KIFAP3: variants seen among roughly 807,000 people sequenced by gnomAD.
The protein encoded by KIFAP3 is kinesin associated protein 3, also known as kinesin-associated protein 3.
A neutral mutation model predicts 106.5 loss-of-function variants in KIFAP3; 68 were observed. The ratio of observed to expected loss-of-function variants is 0.64; its 90% CI spans 0.53 to 0.78. The LOEUF is 0.78. KIFAP3 is among the 30% of genes least tolerant of loss of function. The pLI, the probability that KIFAP3 is intolerant of heterozygous loss-of-function variation, is 0.00. For missense variants in KIFAP3, 780 were observed against 941.8 expected, an observed-to-expected ratio of 0.83 and a Z score of 2.25; for synonymous variants, 320 against 311.5, an observed-to-expected ratio of 1.03 and a Z score of -0.29.
At chr1:170,081,241 C>T (rs1255152704) in intron 1 of KIFAP3, among the ~76,000 whole-genome samples, 1 of 151,990 alleles carries the variant, frequency 6.6e-6, no homozygotes, top group Non-Finnish European at 1.5e-5. Context: ...AATTAATTTA[C>T]AAAAATGTCA....
chr1:169,921,773 A>C lies in KIFAP3; in HGVS notation c.2282T>G (p.Met761Arg), dbSNP rs1558163776. 10 of 1,613,456 alleles carry C rather than the reference A, an allele frequency of 6.2e-6. No homozygotes were observed. Among genetic ancestry groups the C allele is most frequent in the Non-Finnish European group, 8.5e-6 (10 of 1,179,432 alleles). The part of the protein sequence containing the change: ...GQHSFPGSLG[M>R]DGFGQPVGIL... ...GCCAACTGGTTGGCCAAAGCCATCC[A>C]TTCCAAGGCTAAAAAAGAAAAAAAA... The change falls in exon 20 of 20, where the codon ATG becomes AGG. Residue 761 changes from methionine to arginine, a missense_variant. This residue lies in a region of KIFAP3 where 114 missense variants were observed against 122.3 expected (regional missense o/e 0.93). Transcript: ENST00000361580.
chr1:169,982,788 G>A lies in KIFAP3; in HGVS notation c.1586C>T (p.Ala529Val), dbSNP rs1335256196. ...GTCTAAGTCTGGAATGGTCAAGTTT[G>A]CAAGAGTTCCCAAACATTCAATCAC... The part of the protein sequence containing the change: ...EFVIECLGTL[A>V]NLTIPDLDWE... The change falls in exon 14 of 20, where the codon GCA becomes GTA. Residue 529 changes from alanine to valine, a missense_variant. Physicochemically the swap from Ala to Val is moderately conservative, Grantham distance 64. Around this residue, in one of 3 missense-constraint regions of KIFAP3, gnomAD observed 588 missense variants for 678.9 expected, o/e 0.87. Coordinates refer to ENST00000361580, the MANE Select transcript of KIFAP3 (RefSeq NM_014970.4). 1 of 1,609,046 alleles carries A rather than the reference G, an allele frequency of 6.2e-7. No individual in the cohort carries two copies.
At chr1:170,045,462 T>C (rs1006921028) in intron 3 of KIFAP3, among the ~76,000 whole-genome samples, 1 of 152,186 alleles carries the variant, frequency 6.6e-6, no homozygotes, top group Non-Finnish European at 1.5e-5. Context: ...TAAAAGAGCC[T>C]ATATGGCCAA....
intron 19 of KIFAP3, among the ~76,000 whole-genome samples, chr1:169,948,214 G>A (rs1021530648): frequency 7.2e-5 from 11 of 151,782 alleles, no homozygotes; most frequent in African/African-American, 2.7e-4. Flanking sequence ...CAGGTGTTTA[G>A]GAGTGCTGTT....
At chr1:169,989,985 C>T in intron 11 of KIFAP3, 4 of 1,449,754 alleles carry the variant, frequency 2.8e-6, no homozygotes, top group South Asian at 1.3e-5. Flanking sequence ...AGAGGAATTA[C>T]CTTCATAAGT....
chr1:169,927,524 G>A (rs151254558), intron 19 of KIFAP3, among the ~76,000 whole-genome samples: 1 of 152,150 alleles, frequency 6.6e-6, no homozygotes, highest in Admixed American at 6.5e-5. Flanking sequence ...GACATATTTT[G>A]TTATTGTATT....
In KIFAP3 at chr1:169,921,534, C is replaced by G. The variant is rs1662822878; in HGVS notation, c.*142G>C. ...AGAAGACAGAGGGGCTGGGGTTAAT[C>G]TGCAGCTAACAACATATAAAAATAA... On this transcript the variant is annotated 3_prime_UTR_variant, in exon 20 of 20. Coordinates refer to ENST00000361580, the MANE Select transcript of KIFAP3 (RefSeq NM_014970.4). 8.1e-6 allele frequency: 5 copies of G among 614,304 alleles called. No individual in the cohort carries two copies. The highest frequency in any genetic ancestry group is 1.2e-5 in the Non-Finnish European group (4 of 347,710). The allele number at this position is 614,304 out of a possible 1,614,324, so 38.1% of individuals were successfully genotyped here.
At chr1:170,064,468 C>T (rs919678986) in intron 1 of KIFAP3, among the ~76,000 whole-genome samples, 4 of 152,208 alleles carry the variant, frequency 2.6e-5, no homozygotes, top group Admixed American at 6.5e-5. Flanking sequence ...ATCCTCCCAC[C>T]TCCACCTTCC....
intron 19 of KIFAP3, among the ~76,000 whole-genome samples, chr1:169,949,439 C>A (rs766942665): frequency 6.6e-6 from 1 of 151,880 alleles, no homozygotes; most frequent in East Asian, 1.9e-4. Context: ...GCAGTCTCTG[C>A]AATTTTTTTT....
At chr1:170,063,062 G>C (rs1440840631) in intron 1 of KIFAP3, among the ~76,000 whole-genome samples, 3 of 151,952 alleles carry the variant, frequency 2.0e-5, no homozygotes, top group African/African-American at 7.3e-5. Flanking sequence ...CCCAAAACTA[G>C]CCTTGAAACC....
At chr1:169,941,741 G>C (rs1454470968) in intron 19 of KIFAP3, among the ~76,000 whole-genome samples, 1 of 152,058 alleles carries the variant, frequency 6.6e-6, no homozygotes, top group African/African-American at 2.4e-5. Flanking sequence ...CTAACTTCCA[G>C]TTGCCAACCA....
intron 10 of KIFAP3, among the ~76,000 whole-genome samples, chr1:170,012,149 G>T (rs977437335): frequency 8.5e-5 from 13 of 152,048 alleles, no homozygotes; most frequent in African/African-American, 2.9e-4. Context: ...AATAGAAATA[G>T]ATTATTATAG....
intron 7 of KIFAP3, among the ~76,000 whole-genome samples, chr1:170,033,316 T>C (rs1235534959): frequency 1.3e-5 from 2 of 151,770 alleles, no homozygotes; most frequent in Non-Finnish European, 3.0e-5. Flanking sequence ...TGTTACAACA[T>C]AGATTAAATT....
chr1:170,028,643 T>C (rs563329686), intron 8 of KIFAP3, among the ~76,000 whole-genome samples: 25 of 152,296 alleles, frequency 1.6e-4, no homozygotes, highest in African/African-American at 5.8e-4. Flanking sequence ...GGCCTTATTA[T>C]AGGGTTTATA....
At chr1:170,052,549 T>C (rs2102110999) in intron 2 of KIFAP3, among the ~76,000 whole-genome samples, 1 of 152,146 alleles carries the variant, frequency 6.6e-6, no homozygotes, top group Admixed American at 6.5e-5. Flanking sequence ...AAAAAGAAAA[T>C]TTCAGGCCAA....
intron 1 of KIFAP3, 92 bp downstream of exon 1, chr1:170,074,344 C>T (rs1032610643): frequency 6.9e-7 from 1 of 1,456,304 alleles, no homozygotes; most frequent in Non-Finnish European, 9.5e-7. Context: ...GTCTGCTAAA[C>T]TAGCGTTGCC....
At chr1:170,011,548 T>C (rs534174579) in intron 10 of KIFAP3, among the ~76,000 whole-genome samples, 3 of 151,996 alleles carry the variant, frequency 2.0e-5, no homozygotes, top group African/African-American at 7.2e-5. Flanking sequence ...AATATACATG[T>C]ATATAAACAT....
At chr1:170,006,294 G>A (rs899587687) in intron 10 of KIFAP3, among the ~76,000 whole-genome samples, 1 of 152,040 alleles carries the variant, frequency 6.6e-6, no homozygotes, top group Non-Finnish European at 1.5e-5. Context: ...TATTTATTGA[G>A]AACATACAAT....
intron 19 of KIFAP3, among the ~76,000 whole-genome samples, chr1:169,933,158 C>T (rs534937598): frequency 6.6e-6 from 1 of 152,098 alleles, no homozygotes; most frequent in Non-Finnish European, 1.5e-5. Flanking sequence ...TATATACACA[C>T]ACATAAAGGC....
Sources: allele counts gnomAD v4.1 joint callset (sites outside exome capture counted in the v4.1 genomes callset), GRCh38; gene constraint gnomAD v4.1.1; regional missense constraint gnomAD v4.1.1; transcripts MANE v1.5; gene names NCBI Gene and HGNC (gene_info 2026-07-23, HGNC 2026-07-21).